The following RYR2 variants were observed in gnomAD, a reference collection of about 807,000 sequenced individuals.
The protein encoded by RYR2 is cardiac muscle ryanodine receptor-calcium release channel.
A neutral mutation model predicts 601.1 loss-of-function variants in RYR2; 227 were observed. That is an observed-to-expected ratio of 0.38 (90% confidence interval 0.34 to 0.42). The LOEUF is 0.42. Among genes scored for constraint, RYR2 ranks in the 10% least tolerant of loss-of-function variants. The probability of loss-of-function intolerance (pLI) is 1.00; values close to 1 mark genes in which losing one functional copy is unlikely to be tolerated. For synonymous variants in RYR2, 2,223 were observed against 2,175.1 expected (o/e 1.02, Z -0.61); for missense variants, 4,646 against 6,156.5 (o/e 0.75, Z 8.21).
At chr1:237,669,192 G>GGTAA (rs1468931681) in intron 58 of RYR2, among the ~76,000 whole-genome samples, 3 of 145,684 alleles carry the variant, frequency 2.1e-5, no homozygotes, top group Admixed American at 7.0e-5. Context: ...CAGGGTTGGG[G>GGTAA]GTAAGGTCAC....
In RYR2 at chr1:237,396,859, G is replaced by A. The variant is rs74683707; in HGVS notation, c.773+8676G>A. Among the ~76,000 whole-genome samples the A allele has an allele frequency of 4.8e-3, 732 of 152,122 alleles. 6 individuals are homozygous for A. Among genetic ancestry groups the A allele is most frequent in the African/African-American group, 0.017 (696 of 41,496 alleles). On this transcript the variant is annotated intron_variant, in intron 10 of 104. Coordinates refer to ENST00000366574, the MANE Select transcript of RYR2 (RefSeq NM_001035.3). ...CCAAATAGATCACAGACTTAAATAT[G>A]AAGCACATACTTTTAGGAAAACAAA...
chr1:237,081,863 CTTTCT>C (rs892870581), intron 1 of RYR2, among the ~76,000 whole-genome samples: 11 of 152,136 alleles, frequency 7.2e-5, no homozygotes, highest in African/African-American at 2.7e-4. Context: ...TCAAACTCTT[CTTTCT>C]TTTAAGGGTG....
At chr1:237,735,538 G>A (rs1029092578) in intron 79 of RYR2, among the ~76,000 whole-genome samples, 3 of 152,050 alleles carry the variant, frequency 2.0e-5, no homozygotes, top group African/African-American at 7.2e-5. Flanking sequence ...AGGACATAAG[G>A]GAAAAGCCAT....
chr1:237,680,459 G>A lies in RYR2; in HGVS notation c.8899G>A (p.Val2967Ile), dbSNP rs751546090. The change falls in exon 62 of 105, where the codon GTT (valine) becomes ATT (isoleucine). Residue 2967 changes from valine to isoleucine, a missense_variant. Physicochemically the swap from Val to Ile is conservative, Grantham distance 29 (BLOSUM62 3). Coordinates refer to ENST00000366574, the MANE Select transcript of RYR2 (RefSeq NM_001035.3). ...GTCTTCTTTTCCTTTCTTTCAGGTC[G>A]TTCTTCCTTTAATTGATCAGTATTT... The part of the protein sequence containing the change: ...EQEIKFFAKV[V>I]LPLIDQYFKN... 9.9e-6 allele frequency: 16 copies of A among 1,608,594 alleles called. No individual in the cohort carries two copies. Among genetic ancestry groups the A allele is most frequent in the Admixed American group, 6.7e-5 (4 of 59,820 alleles).
chr1:237,375,082 T>C (rs1700916009), intron 7 of RYR2, among the ~76,000 whole-genome samples: 2 of 152,206 alleles, frequency 1.3e-5, no homozygotes, highest in Non-Finnish European at 2.9e-5. Flanking sequence ...TTAGCCATAT[T>C]AATGTACACT....
intron 17 of RYR2, among the ~76,000 whole-genome samples, chr1:237,487,362 CT>C (rs1662797259): frequency 1.3e-5 from 2 of 151,610 alleles, no homozygotes; most frequent in African/African-American, 4.9e-5. Flanking sequence ...ATTTGTTGTC[CT>C]TTAAGAATTT....
chr1:237,483,096 A>G (rs1443128032), intron 17 of RYR2, among the ~76,000 whole-genome samples: 1 of 152,058 alleles, frequency 6.6e-6, no homozygotes, highest in Non-Finnish European at 1.5e-5. Flanking sequence ...CTCCTGATTT[A>G]CTAATTTACC....
intron 29 of RYR2, among the ~76,000 whole-genome samples, chr1:237,572,719 A>T (rs760648980): frequency 6.6e-6 from 1 of 152,134 alleles, no homozygotes; most frequent in Non-Finnish European, 1.5e-5. Flanking sequence ...TATAAGCTTT[A>T]TGTAGCAATA....
intron 2 of RYR2, among the ~76,000 whole-genome samples, chr1:237,298,566 T>C (rs1400689059): frequency 2.6e-5 from 4 of 152,130 alleles, no homozygotes. Context: ...ACCTTGGCTC[T>C]ATTAGCTTCA....
intron 66 of RYR2, among the ~76,000 whole-genome samples, chr1:237,703,129 G>A (rs1046536341): frequency 1.3e-5 from 2 of 151,794 alleles, no homozygotes; most frequent in Non-Finnish European, 2.9e-5. Flanking sequence ...TCCCTTAGCT[G>A]TATTCTTAGA....
intron 33 of RYR2, 81 bp from the exon 34 acceptor site, chr1:237,595,417 A>G (rs911493115): frequency 6.6e-7 from 1 of 1,520,486 alleles, no homozygotes. Flanking sequence ...GCGCAGCATA[A>G]TTTAGTTAGT....
chr1:237,049,091 G>A (rs1296078021), intron 1 of RYR2, among the ~76,000 whole-genome samples: 3 of 152,244 alleles, frequency 2.0e-5, no homozygotes, highest in East Asian at 1.9e-4. Context: ...TTGGGAGGCC[G>A]CAGTGGCTCC....
chr1:237,409,377 G>A (rs1195677923), intron 10 of RYR2, among the ~76,000 whole-genome samples: 1 of 151,914 alleles, frequency 6.6e-6, no homozygotes, highest in Non-Finnish European at 1.5e-5. Context: ...AATAGACACT[G>A]GATTTTGTCA....
chr1:237,461,497 G>C (rs74147280), intron 16 of RYR2, among the ~76,000 whole-genome samples: 1 of 151,990 alleles, frequency 6.6e-6, no homozygotes, highest in Admixed American at 6.6e-5. Context: ...TCTGTATTGC[G>C]TTCTTTTAAT....
intron 91 of RYR2, among the ~76,000 whole-genome samples, chr1:237,786,641 T>C (rs1416610772): frequency 1.3e-5 from 2 of 152,212 alleles, no homozygotes; most frequent in Non-Finnish European, 2.9e-5. Context: ...TGTGAGGCGA[T>C]GAAAATGCAT....
At chr1:237,549,781 A>G (rs2779383) in intron 26 of RYR2, among the ~76,000 whole-genome samples, 139,629 of 151,948 alleles carry the variant, frequency 0.92, 65,041 homozygotes, top group Non-Finnish European at 0.99. Flanking sequence ...AGGTCTCAGG[A>G]AGTGAATGGA....
intron 5 of RYR2, among the ~76,000 whole-genome samples, chr1:237,368,596 A>G (rs968415005): frequency 9.2e-5 from 14 of 152,100 alleles, no homozygotes; most frequent in African/African-American, 3.4e-4. Context: ...TCTACCCCAG[A>G]CCTACTGAAT....
At chr1:237,533,248 C>T (rs1208558559) in intron 25 of RYR2, among the ~76,000 whole-genome samples, 1 of 152,110 alleles carries the variant, frequency 6.6e-6, no homozygotes, top group African/African-American at 2.4e-5. Context: ...TATTCTTTCT[C>T]TATTGACAAA....
In RYR2 at chr1:237,557,658, AC is replaced by A. The variant is rs892242620; in HGVS notation, c.3214+6968del. Among the ~76,000 whole-genome samples the A allele has an allele frequency of 1.4e-4, 22 of 152,118 alleles. No homozygotes were observed. In the Middle Eastern group the frequency reaches 0.014, roughly 94 times the overall value. On this transcript the variant is annotated intron_variant, in intron 27 of 104. Transcript: ENST00000366574. ...TGGAGATGAGGACAGCAGTTTGGTG[AC>A]AAAAAAGAAGTATAGATGAGGAGTG...
Sources: gnomAD v4.1 joint callset for allele counts (sites outside exome capture counted in the v4.1 genomes callset) on GRCh38, gnomAD v4.1.1 for gene constraint, MANE v1.5 for transcripts, NCBI Gene and HGNC (gene_info 2026-07-23, HGNC 2026-07-21) for gene names.